The following SPEN variants were observed in gnomAD, a reference collection of about 807,000 sequenced individuals.
SPEN encodes the protein spen family transcriptional repressor.
SPEN carries 18 observed loss-of-function variants against 269.9 expected under a neutral mutation model. The observed-to-expected ratio is 0.07, with a 90% CI of 0.05 to 0.10. SPEN has a LOEUF of 0.10. SPEN is among the 10% of genes least tolerant of loss of function. SPEN has a pLI of 1.00. For synonymous variants in SPEN, 1,726 were observed against 1,765.7 expected (o/e 0.98, Z 0.56); for missense variants, 3,822 against 4,631.2 (o/e 0.83, Z 5.07).
chr1:15,873,387 AT>A lies in SPEN; in HGVS notation c.404+256del, dbSNP rs2070600920. On this transcript the variant is annotated intron_variant, in intron 2 of 14. Transcript: ENST00000375759. Reference sequence around the variant, plus strand: ...ATGGAAGATTTCCTATGGAAGCTTCATTTTTGGAGTTACCTGTCTTCTAGAA... The same window carrying A: ...ATGGAAGATTTCCTATGGAAGCTTCATTTTGGAGTTACCTGTCTTCTAGAA... 2.5e-6 allele frequency: 3 copies of A among 1,200,246 alleles called. No individual in the cohort carries two copies. The East Asian group carries it at 1.1e-4, about 43-fold the overall frequency. 74.3% of individuals were successfully genotyped at this position (1,200,246 alleles called of 1,614,324 possible).
chr1:15,904,452 C>CAAA (rs1215369183), intron 3 of SPEN, among the ~76,000 whole-genome samples: 1,334 of 48,452 alleles, frequency 0.028, 114 homozygotes, highest in African/African-American at 0.074. Context: ...AACTCCATCT[C>CAAA]AAAAAAAAAA....
In SPEN at chr1:15,878,907, G is replaced by A. The variant is rs539292877; in HGVS notation, c.881+2229G>A. Among the ~76,000 whole-genome samples, 8 of 151,296 alleles carry A rather than the reference G, an allele frequency of 5.3e-5. No homozygotes were observed. In the South Asian group the frequency reaches 1.7e-3, roughly 32 times the overall value. ...TGCCTGTAATCGCAGTTACTCAGGA[G>A]GCTGAGACAGGAGAATTGCTTGAAT... On this transcript the variant is annotated intron_variant, in intron 3 of 14. Coordinates refer to ENST00000375759, the MANE Select transcript of SPEN (RefSeq NM_015001.3).
chr1:15,850,188 G>C (rs911758651), intron 1 of SPEN, among the ~76,000 whole-genome samples: 1 of 152,144 alleles, frequency 6.6e-6, no homozygotes, highest in Admixed American at 6.6e-5. Context: ...AATGCACAGA[G>C]GGAGGAGGGG....
rs2070289102 is a variant in SPEN, at chr1:15,847,936, CGCCGCCGCTGCCGACGCCACCGCCGCA to C, written c.-123_-97del. 1.3e-5 allele frequency: 5 copies of C among 385,896 alleles called. 1 individual carries two copies. Among genetic ancestry groups the C allele is most frequent in the Non-Finnish European group, 2.2e-5 (5 of 227,760 alleles). 23.9% of individuals were successfully genotyped at this position (385,896 alleles called of 1,614,324 possible). ...CTGCACGGGGGGGAGCCGGAGGAGC[CGCCGCCGCTGCCGACGCCACCGCCGCA>C]GCCGCCGCCGCCGCCGCCCCGGCAC... On this transcript the variant is annotated 5_prime_UTR_variant, in exon 1 of 15. Coordinates refer to ENST00000375759, the MANE Select transcript of SPEN (RefSeq NM_015001.3).
chr1:15,939,182 G>T lies in SPEN; in HGVS notation c.10864-114G>T. 1 of 1,383,614 alleles carries T rather than the reference G, an allele frequency of 7.2e-7. No individual in the cohort carries two copies. Among genetic ancestry groups the T allele is most frequent in the Non-Finnish European group, 9.7e-7 (1 of 1,030,790 alleles). The allele number at this position is 1,383,614 out of a possible 1,614,324, so 85.7% of individuals were successfully genotyped here. A position where few individuals can be genotyped will look rare whatever the true frequency, so the allele number is the denominator to read the frequency against. On this transcript the variant is annotated intron_variant, in intron 14 of 14. Transcript: ENST00000375759. The surrounding 1 kb of genome is among the most constrained non-coding windows in gnomAD (Gnocchi z 4.1). ...CATAGTCCTGGCACATTTGCTGGTT[G>T]GGGACTGATTTGGCCTGGCTCTTAG...
At chr1:15,920,799 G>A in intron 8 of SPEN, 71 bp from the exon 9 acceptor site, 1 of 719,686 alleles carries the variant, frequency 1.4e-6, no homozygotes, top group Non-Finnish European at 2.3e-6. Flanking sequence ...TGTGGCTTAG[G>A]ATTTTGTTGG....
rs191459357 is a variant in SPEN, at chr1:15,884,411, A to T, written c.881+7733A>T. Reference sequence around the variant, plus strand: ...ATTTTCTTCCAAGTTCAAGTAGAAAATTTTTCAAAAATGCTGTCATTTTTG... The same window carrying T: ...ATTTTCTTCCAAGTTCAAGTAGAAATTTTTTCAAAAATGCTGTCATTTTTG... On this transcript the variant is annotated intron_variant, in intron 3 of 14. Transcript: ENST00000375759. Among the ~76,000 whole-genome samples the T allele has an allele frequency of 2.1e-3, 314 of 152,192 alleles. 4 individuals carry two copies. The highest frequency in any genetic ancestry group is 0.017 in the Admixed American group (252 of 15,272).
Position 15,931,352 on chromosome 1 carries a change from A to C in SPEN, c.5112A>C (p.Pro1704=). The C allele has an allele frequency of 6.2e-7, 1 of 1,614,226 alleles. No homozygotes were observed. Among genetic ancestry groups the C allele is most frequent in the Non-Finnish European group, 8.5e-7 (1 of 1,180,042 alleles). The change falls in exon 11 of 15, where the codon CCA becomes CCC. Residue 1704 remains proline, a synonymous_variant. Transcript: ENST00000375759. The surrounding 1 kb of genome is among the most constrained non-coding windows in gnomAD (Gnocchi z 4.8). Reference sequence around the variant, plus strand: ...AGCTGGAACAAGTAGACCTGCCCCCAGGAGCAGACCCCGATAAAGAAGCTG... The same window carrying C: ...AGCTGGAACAAGTAGACCTGCCCCCCGGAGCAGACCCCGATAAAGAAGCTG... The part of the protein sequence containing the change: ...VEQLEQVDLP[P]GADPDKEAAM...
chr1:15,937,463 C>T lies in SPEN; in HGVS notation c.10327C>T (p.Leu3443Phe). ...SPVSVSMKPD[L>F]PVSLPTQTAP... ...TGTGTCTGTCTCCATGAAGCCTGACCTTCCAGTCTCTCTTCCCACTCAGAC... is the reference window on the plus strand; with the variant it reads ...TGTGTCTGTCTCCATGAAGCCTGACTTTCCAGTCTCTCTTCCCACTCAGAC... Residue 3443 changes from leucine (L) to phenylalanine (F), a missense_variant, in exon 12 of 15, where the codon CTT becomes TTT. By Grantham distance (22) the Leu-to-Phe change is conservative. Transcript: ENST00000375759. The surrounding 1 kb of genome is among the most constrained non-coding windows in gnomAD (Gnocchi z 5.7). The T allele has an allele frequency of 6.2e-7, 1 of 1,613,980 alleles. No individual in the cohort carries two copies. The highest frequency in any genetic ancestry group is 8.5e-7 in the Non-Finnish European group (1 of 1,180,032).
chr1:15,928,657 G>T lies in SPEN; in HGVS notation c.2417G>T (p.Arg806Ile). 1 of 1,614,062 alleles carries T rather than the reference G, an allele frequency of 6.2e-7. No individual in the cohort carries two copies. Among genetic ancestry groups the T allele is most frequent in the Non-Finnish European group, 8.5e-7 (1 of 1,180,024 alleles). Reference sequence around the variant, plus strand: ...GATCCGGAGAGAGTGGAGAGAGAGAGACGCTTAATACGGAAGGAAAAAGTG... The same window carrying T: ...GATCCGGAGAGAGTGGAGAGAGAGATACGCTTAATACGGAAGGAAAAAGTG... ...TFDPERVERE[R>I]RLIRKEKVEK... Residue 806 changes from arginine to isoleucine, a missense_variant, in exon 11 of 15, where the codon AGA becomes ATA. Arg to Ile is a moderately conservative substitution (Grantham distance 97). Around this residue, in one of 16 missense-constraint regions of SPEN, gnomAD observed 572 missense variants for 582.6 expected, o/e 0.98. Coordinates refer to ENST00000375759, the MANE Select transcript of SPEN (RefSeq NM_015001.3). This position sits in a 1 kb window ranked among gnomAD's most constrained non-coding sequence, Gnocchi z 5.7.
At chr1:15,852,882 C>T (rs1206047390) in intron 1 of SPEN, among the ~76,000 whole-genome samples, 7 of 152,176 alleles carry the variant, frequency 4.6e-5, no homozygotes, top group African/African-American at 1.4e-4. Context: ...TTTTATTAAT[C>T]GACTGACTGA....
In SPEN at chr1:15,931,484, C is replaced by T. The variant is rs202090870; in HGVS notation, c.5244C>T (p.Asn1748=). The T allele has an allele frequency of 2.4e-5, 39 of 1,614,116 alleles. No homozygotes were observed. The East Asian group carries it at 4.2e-4, about 18-fold the overall frequency. The change falls in exon 11 of 15, where the codon AAC becomes AAT. Residue 1748 remains asparagine (N), a synonymous_variant. Transcript: ENST00000375759. The surrounding 1 kb of genome is among the most constrained non-coding windows in gnomAD (Gnocchi z 4.8). ...PGASFSQAES[N]VDPEPDSTQP... ...CCTCGTTTTCCCAGGCAGAGAGCAA[C>T]GTAGATCCAGAGCCTGACAGTACCC...
intron 1 of SPEN, among the ~76,000 whole-genome samples, chr1:15,856,487 A>G (rs558067441): frequency 6.6e-6 from 1 of 151,822 alleles, no homozygotes; most frequent in Non-Finnish European, 1.5e-5. Flanking sequence ...CATATTTTAT[A>G]TTACAGTTTT....
chr1:15,878,887 G>A (rs1459394843), intron 3 of SPEN, among the ~76,000 whole-genome samples: 1 of 151,406 alleles, frequency 6.6e-6, no homozygotes, highest in Non-Finnish European at 1.5e-5. Flanking sequence ...GCACATGCCT[G>A]TAATCGCAGT....
chr1:15,876,066 A>AT, intron 2 of SPEN, 136 bp from the exon 3 acceptor site: 1 of 651,706 alleles, frequency 1.5e-6, no homozygotes, highest in South Asian at 1.9e-5. Flanking sequence ...GCGTTTGCTT[A>AT]TTAAGTAGGT....
rs769360962 is a variant in SPEN at position 15,935,976 on chromosome 1, A to G, written c.9736A>G (p.Thr3246Ala). 44 of 650,580 alleles carry G rather than the reference A, an allele frequency of 6.8e-5. No homozygotes were observed. The highest frequency in any genetic ancestry group is 8.8e-5 in the Non-Finnish European group (41 of 467,392). 40.3% of individuals were successfully genotyped at this position (650,580 alleles called of 1,614,324 possible). A position where few individuals can be genotyped will look rare whatever the true frequency, so the allele number is the denominator to read the frequency against. ...TPDAKAAPTP[T>A]PAPVPVPVPL... Reference sequence around the variant, plus strand: ...AGATGCCAAAGCTGCCCCCACCCCCACCCCTGCCCCCGTCCCTGTCCCTGT... The same window carrying G: ...AGATGCCAAAGCTGCCCCCACCCCCGCCCCTGCCCCCGTCCCTGTCCCTGT... Residue 3246 changes from threonine to alanine, a missense_variant, in exon 11 of 15, where the codon ACC becomes GCC. Transcript: ENST00000375759. This position sits in a 1 kb window ranked among gnomAD's most constrained non-coding sequence, Gnocchi z 7.7.
Position 15,940,105 on chromosome 1 carries a change from A to AAT in SPEN, c.*686_*687dup, listed in dbSNP as rs2148746706. On this transcript the variant is annotated 3_prime_UTR_variant, in exon 15 of 15. Transcript: ENST00000375759. The stretch of plus-strand genomic sequence containing the variant: ...GGGATGTGTGTATATATAAATATAT[A>AAT]ATATATATAAATATATATAATACTG... 1 of 208,720 alleles carries AAT rather than the reference A, an allele frequency of 4.8e-6. No individual in the cohort carries two copies. The highest frequency in any genetic ancestry group is 7.1e-5 in the East Asian group (1 of 14,076). The allele number at this position is 208,720 out of a possible 1,614,324, so 12.9% of individuals were successfully genotyped here.
chr1:15,885,570 A>G (rs2070729667), intron 3 of SPEN, among the ~76,000 whole-genome samples: 1 of 152,238 alleles, frequency 6.6e-6, no homozygotes, highest in South Asian at 2.1e-4. Context: ...GTGTATCTAA[A>G]TTCTTTAAAA....
chr1:15,860,437 A>C (rs1569971368), intron 1 of SPEN, among the ~76,000 whole-genome samples: 2 of 109,780 alleles, frequency 1.8e-5, no homozygotes, highest in South Asian at 3.1e-4. Flanking sequence ...CTAAGGTCCC[A>C]CTGTAGTGTG....
Sources: allele counts gnomAD v4.1 joint callset (sites outside exome capture counted in the v4.1 genomes callset), GRCh38; gene constraint gnomAD v4.1.1; regional missense constraint gnomAD v4.1.1; non-coding constraint Gnocchi (gnomAD v3.1); transcripts MANE v1.5; gene names NCBI Gene and HGNC (gene_info 2026-07-23, HGNC 2026-07-21).